Variants in ATXN2 observed in about 807,000 individuals in gnomAD.
ATXN2 encodes the protein ataxin 2.
Under a neutral mutation model 138.6 loss-of-function variants are expected in ATXN2, and 37 were observed. That is an observed-to-expected ratio of 0.27 (90% confidence interval 0.21 to 0.35). The LOEUF (loss-of-function observed/expected upper bound fraction) is 0.35, where lower values mean the gene tolerates loss of function less well. ATXN2 is among the 10% of genes least tolerant of loss of function. The pLI is 1.00. For missense variants in ATXN2, 1,216 were observed against 1,480.3 expected (o/e 0.82, Z 2.93); for synonymous variants, 549 against 543.7 (o/e 1.01, Z -0.13).
chr12:111,488,620 G>A lies in ATXN2; in HGVS notation c.2096C>T (p.Pro699Leu), dbSNP rs766655295. Reference sequence around the variant, plus strand: ...TGAAGGGGAAATGCTGGGGCTATTCGGCTTGCTGCTGCCACTGGTACAGTT... The same window carrying A: ...TGAAGGGGAAATGCTGGGGCTATTCAGCTTGCTGCTGCCACTGGTACAGTT... ...SSNCTSGSSKPNSPSISPSIL... is the reference protein window; with the variant it reads ...SSNCTSGSSKLNSPSISPSIL... Residue 699 changes from proline (P) to leucine (L), a missense_variant, in exon 15 of 25, where the codon CCG (proline) becomes CTG (leucine). Pro to Leu is a moderately conservative substitution (Grantham distance 98). Transcript: ENST00000673436. 1.2e-5 allele frequency: 20 copies of A among 1,613,954 alleles called. No homozygotes were observed. The Admixed American group carries it at 1.8e-4, about 15-fold the overall frequency.
At chr12:111,477,543 AT>A (rs1404159032) in intron 18 of ATXN2, among the ~76,000 whole-genome samples, 1 of 152,168 alleles carries the variant, frequency 6.6e-6, no homozygotes, top group Non-Finnish European at 1.5e-5. Context: ...AAGATTTCTT[AT>A]TATGATACAA....
intron 21 of ATXN2, among the ~76,000 whole-genome samples, chr12:111,464,450 G>A (rs762525267): frequency 6.9e-6 from 1 of 145,000 alleles, no homozygotes; most frequent in Non-Finnish European, 1.5e-5. Flanking sequence ...TGCAAAAATT[G>A]ATTTCTGAAA....
chr12:111,551,887 C>CTT (rs571252871), intron 5 of ATXN2, among the ~76,000 whole-genome samples: 2,105 of 147,096 alleles, frequency 0.014, 58 homozygotes, highest in African/African-American at 0.049. Context: ...TTTTTTCTTT[C>CTT]TTTTTTTTTT....
intron 5 of ATXN2, among the ~76,000 whole-genome samples, chr12:111,548,341 A>T (rs1184442798): frequency 1.3e-5 from 2 of 152,210 alleles, no homozygotes; most frequent in African/African-American, 4.8e-5. Flanking sequence ...CAAGTTTCCT[A>T]AATATGCCTG....
chr12:111,516,670 T>C lies in ATXN2; in HGVS notation c.1166-307A>G, dbSNP rs1308240874. On this transcript the variant is annotated intron_variant, in intron 9 of 24. Transcript: ENST00000673436. This position sits in a 1 kb window ranked among gnomAD's most constrained non-coding sequence, Gnocchi z 5.0. ...CCTATTAATCCTGCTTCTATAACTG[T>C]TTCTCAGTAACTGGTTGTTTAAAGG... is the stretch of plus-strand genomic sequence containing the variant. 6.6e-6 allele frequency among the ~76,000 whole-genome samples: 1 copy of C among 152,196 alleles called. No individual in the cohort carries two copies. The highest frequency in any genetic ancestry group is 6.5e-5 in the Admixed American group (1 of 15,280).
chr12:111,596,028 T>C (rs545523992), intron 1 of ATXN2, among the ~76,000 whole-genome samples: 2 of 152,198 alleles, frequency 1.3e-5, no homozygotes, highest in South Asian at 4.2e-4. Context: ...CAAAATCCCG[T>C]CCTCACTAAA....
chr12:111,596,498 T>C (rs1164632983), intron 1 of ATXN2, among the ~76,000 whole-genome samples: 1 of 152,172 alleles, frequency 6.6e-6, no homozygotes, highest in Non-Finnish European at 1.5e-5. Flanking sequence ...TTTTTCACCC[T>C]TGCTCTCAGA....
intron 14 of ATXN2, among the ~76,000 whole-genome samples, chr12:111,493,835 G>C (rs1363134110): frequency 2.0e-5 from 3 of 152,084 alleles, no homozygotes; most frequent in African/African-American, 7.2e-5. Flanking sequence ...CACCACGTTG[G>C]TCAGGCTGGT....
intron 1 of ATXN2, among the ~76,000 whole-genome samples, chr12:111,596,099 C>A (rs886341738): frequency 7.2e-5 from 11 of 151,938 alleles, no homozygotes; most frequent in Admixed American, 3.9e-4. Context: ...ACTGGGGAGG[C>A]TGAGGCTGGA....
chr12:111,490,138 C>T (rs192666605), intron 14 of ATXN2, among the ~76,000 whole-genome samples: 7 of 148,834 alleles, frequency 4.7e-5, no homozygotes, highest in Admixed American at 4.0e-4. Flanking sequence ...ACCCAGGAGG[C>T]GGAGGTTGCA....
chr12:111,589,286 G>C (rs1884525128), intron 1 of ATXN2, among the ~76,000 whole-genome samples: 1 of 151,644 alleles, frequency 6.6e-6, no homozygotes, highest in African/African-American at 2.4e-5. Context: ...CTGCATTCCA[G>C]CCTGGGTGAC....
At chr12:111,565,657 T>G (rs1056548424) in intron 1 of ATXN2, among the ~76,000 whole-genome samples, 1 of 152,112 alleles carries the variant, frequency 6.6e-6, no homozygotes, top group Non-Finnish European at 1.5e-5. Flanking sequence ...TTGTCTCTCT[T>G]TCTCCTCGTG....
chr12:111,577,969 G>A (rs1414922433), intron 1 of ATXN2, among the ~76,000 whole-genome samples: 4 of 152,004 alleles, frequency 2.6e-5, no homozygotes, highest in African/African-American at 4.8e-5. Flanking sequence ...GCCACGGCGG[G>A]TGGATCACCT....
intron 14 of ATXN2, among the ~76,000 whole-genome samples, chr12:111,501,366 C>T (rs930030777): frequency 2.0e-5 from 3 of 152,076 alleles, no homozygotes; most frequent in African/African-American, 7.2e-5. Flanking sequence ...GTACAAGCAA[C>T]AAAAACAGAA....
At chr12:111,503,384 T>C (rs968768638) in intron 14 of ATXN2, among the ~76,000 whole-genome samples, 1 of 152,158 alleles carries the variant, frequency 6.6e-6, no homozygotes, top group Non-Finnish European at 1.5e-5. Flanking sequence ...CCAAGCTGCC[T>C]AATATACACA....
chr12:111,527,292 A>C lies in ATXN2; in HGVS notation c.572-1976T>G, dbSNP rs191217743. On this transcript the variant is annotated intron_variant, in intron 5 of 24. Coordinates refer to ENST00000673436, the MANE Select transcript of ATXN2 (RefSeq NM_001372574.1). ...TGCTGAGGAATATAAGCTCCCAGCC[A>C]CTGTTCCTTCCCAGTACTGTAAGTT... Among the ~76,000 whole-genome samples the C allele has an allele frequency of 9.1e-4, 139 of 152,368 alleles. 4 individuals are homozygous for C. The highest frequency in any genetic ancestry group is 9.0e-3 in the Admixed American group (138 of 15,304).
At chr12:111,495,793 TCTC>T (rs1407823459) in intron 14 of ATXN2, among the ~76,000 whole-genome samples, 1 of 152,102 alleles carries the variant, frequency 6.6e-6, no homozygotes, top group African/African-American at 2.4e-5. Flanking sequence ...TACACATTCT[TCTC>T]CTCAACATAT....
chr12:111,527,597 G>C (rs1880570399), intron 5 of ATXN2, among the ~76,000 whole-genome samples: 1 of 152,062 alleles, frequency 6.6e-6, no homozygotes, highest in Non-Finnish European at 1.5e-5. Context: ...TCCACCTCTG[G>C]GCTTAGCTGC....
rs367799103 is a variant in ATXN2, at chr12:111,525,582, G to A, written c.572-266C>T. On this transcript the variant is annotated intron_variant, in intron 5 of 24. Transcript: ENST00000673436. ...TATCTAAACTGATACGGAATATATA[G>A]TATTCAGTAAAAGTATGCTTTCACG... 1.1e-4 allele frequency among the ~76,000 whole-genome samples: 17 copies of A among 152,160 alleles called. No individual in the cohort carries two copies. The South Asian group carries it at 3.5e-3, about 32-fold the overall frequency.
Sources: allele counts gnomAD v4.1 joint callset (sites outside exome capture counted in the v4.1 genomes callset), GRCh38; gene constraint gnomAD v4.1.1; non-coding constraint Gnocchi (gnomAD v3.1); transcripts MANE v1.5; gene names NCBI Gene and HGNC (gene_info 2026-07-23, HGNC 2026-07-21).